Variants in KIF13A observed in about 807,000 individuals in gnomAD.
KIF13A encodes the protein kinesin family member 13A, also known as kinesin-like protein KIF13A.
In KIF13A, 79 loss-of-function variants were observed where a neutral mutation model predicts 212.2. That is an observed-to-expected ratio of 0.37 (90% CI 0.31 to 0.45). KIF13A has a LOEUF of 0.45. Ranked by LOEUF, KIF13A falls within the 20% of genes least tolerant of loss-of-function variation. The probability of loss-of-function intolerance (pLI) is 1.00; values close to 1 mark genes in which losing one functional copy is unlikely to be tolerated. For synonymous variants in KIF13A, 789 were observed against 808.6 expected (o/e 0.98, Z 0.41); for missense variants, 1,901 against 2,209.0 (o/e 0.86, Z 2.79).
At chr6:17,907,354 G>T (rs1773601415) in intron 2 of KIF13A, among the ~76,000 whole-genome samples, 1 of 152,174 alleles carries the variant, frequency 6.6e-6, no homozygotes, top group African/African-American at 2.4e-5. Context: ...TGGCATCAAA[G>T]AATTTGGTGA....
In KIF13A at chr6:17,849,304, T is replaced by C; in HGVS notation, c.830+73A>G. The C allele has an allele frequency of 9.5e-7, 1 of 1,049,412 alleles. No individual in the cohort carries two copies. The highest frequency in any genetic ancestry group is 2.5e-5 in the East Asian group (1 of 39,538). The allele number at this position is 1,049,412 out of a possible 1,614,324, so 65.0% of individuals were successfully genotyped here. A position where few individuals can be genotyped will look rare whatever the true frequency, so the allele number is the denominator to read the frequency against. On this transcript the variant is annotated intron_variant, in intron 9 of 38. Coordinates refer to ENST00000259711, the MANE Select transcript of KIF13A (RefSeq NM_022113.6). The surrounding 1 kb of genome is among the most constrained non-coding windows in gnomAD (Gnocchi z 5.7). ...TTAAACAACCTGTACATCAGAACCATCTGACCCTCATAATGCAACAAATCC... is the reference window on the plus strand; with the variant it reads ...TTAAACAACCTGTACATCAGAACCACCTGACCCTCATAATGCAACAAATCC...
chr6:17,894,120 G>A (rs530396709), intron 3 of KIF13A, among the ~76,000 whole-genome samples: 13 of 145,678 alleles, frequency 8.9e-5, no homozygotes, highest in African/African-American at 2.6e-4. Context: ...TTACAGGTGT[G>A]AGCCACTGCG....
intron 2 of KIF13A, among the ~76,000 whole-genome samples, chr6:17,957,201 A>G (rs754248128): frequency 2.0e-5 from 3 of 152,156 alleles, no homozygotes; most frequent in Non-Finnish European, 2.9e-5. Flanking sequence ...TATGCCATCC[A>G]TATTCAATCA....
rs529580188 is a variant in KIF13A at position 17,873,357 on chromosome 6, T to G, written c.220+20A>C. On this transcript the variant is annotated intron_variant, in intron 4 of 38. Transcript: ENST00000259711. ...AGAGGCCAGAAGCCCAACTGTCAGG[T>G]GTAGAGGGAGAAAACTTACCAGCGT... 1.3e-6 allele frequency: 2 copies of G among 1,556,938 alleles called. No homozygotes were observed. Among genetic ancestry groups the G allele is most frequent in the East Asian group, 4.6e-5 (2 of 43,724 alleles).
rs1024789939 is a variant in KIF13A, at chr6:17,967,716, C to A, written c.146+19338G>T. Among the ~76,000 whole-genome samples, 10 of 152,192 alleles carry A rather than the reference C, an allele frequency of 6.6e-5. No individual in the cohort carries two copies. Among genetic ancestry groups the A allele is most frequent in the African/African-American group, 2.4e-4 (10 of 41,450 alleles). On this transcript the variant is annotated intron_variant, in intron 2 of 38. Coordinates refer to ENST00000259711, the MANE Select transcript of KIF13A (RefSeq NM_022113.6). This position sits in a 1 kb window ranked among gnomAD's most constrained non-coding sequence, Gnocchi z 4.1. ...GTGTTAGGTTTCCTCCTGCTCCCAA[C>A]TGCCCAGCCACTGAGCCATCTGCCT...
At chr6:17,824,029 T>G (rs1191635117) in intron 16 of KIF13A, among the ~76,000 whole-genome samples, 1 of 151,506 alleles carries the variant, frequency 6.6e-6, no homozygotes, top group Non-Finnish European at 1.5e-5. Context: ...TGCCTCAGCC[T>G]TCCGAGTAGC....
intron 20 of KIF13A, among the ~76,000 whole-genome samples, chr6:17,800,393 T>C (rs1762378902): frequency 6.6e-6 from 1 of 151,388 alleles, no homozygotes; most frequent in African/African-American, 2.4e-5. Context: ...AGGAATAGCT[T>C]AAAGGTAGCT....
chr6:17,763,520 A>G (rs1416911073), downstream of KIF13A, among the ~76,000 whole-genome samples: 1 of 151,274 alleles, frequency 6.6e-6, no homozygotes. Context: ...AACCAGTATT[A>G]TAAACTGAGT....
rs1042090944 is a variant in KIF13A at position 17,783,541 on chromosome 6, T to C, written c.3544+105A>G. The stretch of plus-strand genomic sequence containing the variant: ...CAAAAATGTCACCCAATTTGGCACA[T>C]GAATGATTAGAAGAGTGATTTAAGG... On this transcript the variant is annotated intron_variant, in intron 29 of 38. Transcript: ENST00000259711. The surrounding 1 kb of genome is among the most constrained non-coding windows in gnomAD (Gnocchi z 4.3). 3.5e-5 allele frequency: 28 copies of C among 802,376 alleles called. No individual in the cohort carries two copies. Among genetic ancestry groups the C allele is most frequent in the East Asian group, 1.3e-4 (5 of 37,334 alleles). 49.7% of individuals were successfully genotyped at this position (802,376 alleles called of 1,614,324 possible).
intron 7 of KIF13A, among the ~76,000 whole-genome samples, 180 bp downstream of exon 7, chr6:17,851,775 G>A (rs1475197163): frequency 6.6e-6 from 1 of 152,226 alleles, no homozygotes; most frequent in Admixed American, 6.5e-5. Context: ...CAACAAAGCA[G>A]CTTGAAGAGT....
At position 17,789,327 on chromosome 6, in the gene KIF13A, C is replaced by T. The variant is rs189780456; in HGVS notation, c.3261+545G>A. On this transcript the variant is annotated intron_variant, in intron 26 of 38. Coordinates refer to ENST00000259711, the MANE Select transcript of KIF13A (RefSeq NM_022113.6). This position sits in a 1 kb window ranked among gnomAD's most constrained non-coding sequence, Gnocchi z 4.8. ...AAATGAGAAAAGAAAGCTGGCTAAA[C>T]AAAACACAATTATGCGCATAAAATG... Among the ~76,000 whole-genome samples the T allele has an allele frequency of 4.2e-3, 632 of 152,212 alleles. 2 individuals are homozygous for T. Among genetic ancestry groups the T allele is most frequent in the Non-Finnish European group, 6.6e-3 (452 of 68,002 alleles).
At chr6:17,893,428 G>A (rs1772248391) in intron 3 of KIF13A, among the ~76,000 whole-genome samples, 1 of 152,180 alleles carries the variant, frequency 6.6e-6, no homozygotes, top group Non-Finnish European at 1.5e-5. Context: ...TTTATTGATA[G>A]TATAAAGAAA....
chr6:17,853,352 C>T (rs949948223), intron 6 of KIF13A, among the ~76,000 whole-genome samples: 4 of 152,102 alleles, frequency 2.6e-5, no homozygotes, highest in Admixed American at 6.6e-5. Flanking sequence ...ATACCAAGTG[C>T]CTGTGATGGT....
chr6:17,928,099 ATCTAC>A (rs1212706053), intron 2 of KIF13A, among the ~76,000 whole-genome samples: 1 of 152,214 alleles, frequency 6.6e-6, no homozygotes, highest in Non-Finnish European at 1.5e-5. Flanking sequence ...AAATTTAGGT[ATCTAC>A]TTCCCAGGCT....
At position 17,785,750 on chromosome 6, in the gene KIF13A, CAA is replaced by C. The variant is rs10686772; in HGVS notation, c.3362-111_3362-110del. 1.5e-3 allele frequency: 1,261 copies of C among 853,480 alleles called. No homozygotes were observed. The highest frequency in any genetic ancestry group is 1.6e-3 in the Non-Finnish European group (909 of 578,250). The allele number at this position is 853,480 out of a possible 1,614,324, so 52.9% of individuals were successfully genotyped here. On this transcript the variant is annotated intron_variant, in intron 27 of 38. Coordinates refer to ENST00000259711, the MANE Select transcript of KIF13A (RefSeq NM_022113.6). This position sits in a 1 kb window ranked among gnomAD's most constrained non-coding sequence, Gnocchi z 5.8. ...CAACATAGTGAGACCCCATCTCTAC[CAA>C]AAAAAAAAAAATAGTTGGGCAGGGT...
At chr6:17,907,395 T>G (rs1773605886) in intron 2 of KIF13A, among the ~76,000 whole-genome samples, 1 of 152,186 alleles carries the variant, frequency 6.6e-6, no homozygotes, top group Non-Finnish European at 1.5e-5. Flanking sequence ...AGGTATTGAT[T>G]GGATAGCAAT....
At chr6:17,979,571 C>T (rs1266718869) in intron 2 of KIF13A, among the ~76,000 whole-genome samples, 2 of 151,950 alleles carry the variant, frequency 1.3e-5, no homozygotes, top group African/African-American at 2.4e-5. Flanking sequence ...ATGTATAGTC[C>T]TTGCCCTGGA....
At chr6:17,796,621 A>C (rs1383508204) in intron 23 of KIF13A, 48 bp downstream of exon 23, 3 of 1,290,238 alleles carry the variant, frequency 2.3e-6, no homozygotes, top group Non-Finnish European at 2.0e-6. Context: ...GACTCTGCTC[A>C]AGTCCTAGTC....
At chr6:17,788,333 C>T (rs1214549541) in intron 26 of KIF13A, among the ~76,000 whole-genome samples, 1 of 152,142 alleles carries the variant, frequency 6.6e-6, no homozygotes, top group Admixed American at 6.5e-5. Context: ...TTCTGAAATG[C>T]AAAGAGTAGG....
Sources: allele counts gnomAD v4.1 joint callset (sites outside exome capture counted in the v4.1 genomes callset), GRCh38; gene constraint gnomAD v4.1.1; non-coding constraint Gnocchi (gnomAD v3.1); transcripts MANE v1.5; gene names NCBI Gene and HGNC (gene_info 2026-07-23, HGNC 2026-07-21).